The following CAMTA1 variants were observed in gnomAD, a reference collection of about 807,000 sequenced individuals.
CAMTA1 encodes calmodulin-binding transcription activator 1.
CAMTA1 carries 27 observed loss-of-function variants against 170.9 expected under a neutral mutation model. That is an observed-to-expected ratio of 0.16 (90% CI 0.12 to 0.22). The LOEUF (loss-of-function observed/expected upper bound fraction) is 0.22. CAMTA1 is among the 10% of genes least tolerant of loss of function. The pLI, the probability that CAMTA1 is intolerant of heterozygous loss-of-function variation, is 1.00. For missense variants in CAMTA1, 1,619 were observed against 2,217.2 expected, an observed-to-expected ratio of 0.73 and a Z score of 5.42; for synonymous variants, 833 against 891.5, an observed-to-expected ratio of 0.93 and a Z score of 1.17.
intron 6 of CAMTA1, among the ~76,000 whole-genome samples, chr1:7,608,744 T>G (rs2095503465): frequency 6.6e-6 from 1 of 152,096 alleles, no homozygotes; most frequent in African/African-American, 2.4e-5. Flanking sequence ...GCTTAAATAA[T>G]GCAGGTAGTG....
At chr1:6,929,299 C>A (rs1683936730) in intron 3 of CAMTA1, among the ~76,000 whole-genome samples, 1 of 152,070 alleles carries the variant, frequency 6.6e-6, no homozygotes, top group Non-Finnish European at 1.5e-5. Context: ...CCTGCCTCAG[C>A]TTCCCAAGTA....
intron 5 of CAMTA1, among the ~76,000 whole-genome samples, chr1:7,442,579 T>C (rs2092573643): frequency 6.6e-6 from 1 of 152,054 alleles, no homozygotes; most frequent in African/African-American, 2.4e-5. Flanking sequence ...GCACACGGGT[T>C]GAGAATATGG....
intron 1 of CAMTA1, among the ~76,000 whole-genome samples, chr1:6,796,794 A>G (rs1423889893): frequency 6.6e-6 from 1 of 152,002 alleles, no homozygotes; most frequent in Admixed American, 6.5e-5. Flanking sequence ...AAGAAATCTT[A>G]TTTGGAGTTT....
chr1:7,610,696 C>A (rs1274868906), intron 6 of CAMTA1, among the ~76,000 whole-genome samples: 1 of 152,196 alleles, frequency 6.6e-6, no homozygotes, highest in Admixed American at 6.5e-5. Flanking sequence ...TGGCCTCTGC[C>A]CCTCCCTAGA....
intron 7 of CAMTA1, among the ~76,000 whole-genome samples, chr1:7,644,850 G>C (rs903062218): frequency 6.6e-6 from 1 of 152,184 alleles, no homozygotes; most frequent in African/African-American, 2.4e-5. Flanking sequence ...AATCATTCAG[G>C]GCTGAGTAGA....
intron 5 of CAMTA1, among the ~76,000 whole-genome samples, chr1:7,311,602 T>G (rs1156580971): frequency 3.5e-5 from 2 of 57,774 alleles, no homozygotes; most frequent in South Asian, 5.0e-4. Context: ...GAAAGTTGAG[T>G]TTTTTTTTTC....
At chr1:7,174,546 A>G (rs1650356392) in intron 4 of CAMTA1, among the ~76,000 whole-genome samples, 2 of 152,236 alleles carry the variant, frequency 1.3e-5, no homozygotes, top group African/African-American at 4.8e-5. Context: ...TGAAGCCACG[A>G]TTCGGGAGCT....
At chr1:7,331,442 G>T (rs1231571439) in intron 5 of CAMTA1, among the ~76,000 whole-genome samples, 1 of 152,194 alleles carries the variant, frequency 6.6e-6, no homozygotes, top group African/African-American at 2.4e-5. Context: ...TTTTGATTAT[G>T]TGGGTTACAT....
chr1:7,228,430 C>T (rs894413411), intron 4 of CAMTA1, among the ~76,000 whole-genome samples: 2 of 152,224 alleles, frequency 1.3e-5, no homozygotes, highest in African/African-American at 4.8e-5. Context: ...CTCGGCATAG[C>T]TCCTGACTCT....
intron 3 of CAMTA1, among the ~76,000 whole-genome samples, chr1:7,002,634 T>C (rs1212063115): frequency 6.6e-6 from 1 of 152,238 alleles, no homozygotes; most frequent in Non-Finnish European, 1.5e-5. Flanking sequence ...GACTTGGATC[T>C]ATCATATCGC....
intron 1 of CAMTA1, among the ~76,000 whole-genome samples, chr1:6,796,212 C>T (rs1040186860): frequency 2.9e-5 from 4 of 137,678 alleles, no homozygotes; most frequent in Non-Finnish European, 4.5e-5. Context: ...TGATCTCTCT[C>T]GGCTTACTGC....
chr1:7,497,792 G>T (rs2093854835), intron 6 of CAMTA1, among the ~76,000 whole-genome samples: 3 of 152,214 alleles, frequency 2.0e-5, no homozygotes, highest in Admixed American at 2.0e-4. Context: ...CCTTAGTAAG[G>T]GGGGCAGCGC....
intron 4 of CAMTA1, among the ~76,000 whole-genome samples, chr1:7,122,708 C>T (rs982063124): frequency 2.6e-5 from 4 of 152,120 alleles, no homozygotes; most frequent in Non-Finnish European, 4.4e-5. Context: ...GAGTGTGGCT[C>T]CACGTCTGAT....
At chr1:7,350,160 G>A (rs1049122705) in intron 5 of CAMTA1, among the ~76,000 whole-genome samples, 1 of 152,100 alleles carries the variant, frequency 6.6e-6, no homozygotes, top group Non-Finnish European at 1.5e-5. Flanking sequence ...ACCTGCTCTT[G>A]TTCTCCCCCA....
intron 6 of CAMTA1, among the ~76,000 whole-genome samples, chr1:7,543,602 A>C (rs989785819): frequency 6.6e-6 from 1 of 152,212 alleles, no homozygotes; most frequent in African/African-American, 2.4e-5. Context: ...GCATTTCTAC[A>C]TGTGATGTTA....
At chr1:7,414,425 A>G (rs2091009014) in intron 5 of CAMTA1, among the ~76,000 whole-genome samples, 1 of 152,106 alleles carries the variant, frequency 6.6e-6, no homozygotes, top group Non-Finnish European at 1.5e-5. Flanking sequence ...GATTATTGCC[A>G]CAATTTCAGA....
chr1:7,761,845 C>T lies in CAMTA1; in HGVS notation c.4990-4614C>T, dbSNP rs139269384. Among the ~76,000 whole-genome samples, 29 of 150,552 alleles carry T rather than the reference C, an allele frequency of 1.9e-4. No homozygotes were observed. The East Asian group carries it at 3.9e-3, about 20-fold the overall frequency. On this transcript the variant is annotated intron_variant, in intron 22 of 22. Coordinates refer to ENST00000303635, the MANE Select transcript of CAMTA1 (RefSeq NM_015215.4). The stretch of plus-strand genomic sequence containing the variant: ...AGATTAGTAACAGACAGATAGAAAA[C>T]GATCTAATTCACTTTTTTTTTTTAA...
At chr1:7,111,052 G>A (rs900614440) in intron 4 of CAMTA1, among the ~76,000 whole-genome samples, 8 of 152,208 alleles carry the variant, frequency 5.3e-5, no homozygotes, top group South Asian at 2.1e-4. Flanking sequence ...GCTAGAGGCC[G>A]CCTGCATTCT....
intron 3 of CAMTA1, among the ~76,000 whole-genome samples, chr1:6,830,853 CTG>C (rs747063928): frequency 4.6e-5 from 7 of 152,020 alleles, no homozygotes; most frequent in Non-Finnish European, 7.4e-5. Context: ...GAGTCTCACT[CTG>C]TCGCCCAGGC....
Sources: allele counts gnomAD v4.1 joint callset (sites outside exome capture counted in the v4.1 genomes callset), GRCh38; gene constraint gnomAD v4.1.1; transcripts MANE v1.5; gene names NCBI Gene and HGNC (gene_info 2026-07-23, HGNC 2026-07-21).